The following ENTREP2 variants were observed in gnomAD, a reference collection of about 807,000 sequenced individuals.
ENTREP2 encodes protein ENTREP2.
At chr15:29,612,184 G>A in the ENTREP2 span, among the ~76,000 whole-genome samples, 15 of 152,196 alleles carry the variant, frequency 9.9e-5, no homozygotes, top group Admixed American at 3.9e-4. Flanking sequence ...TCTTCCTCAC[G>A]TGCATTCCAC....
At chr15:29,520,947 A>G in the ENTREP2 span, among the ~76,000 whole-genome samples, 1 of 152,232 alleles carries the variant, frequency 6.6e-6, no homozygotes, top group East Asian at 1.9e-4. Context: ...TAATGTATTC[A>G]TAGGGCAGAG....
the ENTREP2 span, among the ~76,000 whole-genome samples, chr15:29,174,422 C>T: frequency 6.6e-6 from 1 of 152,214 alleles, no homozygotes; most frequent in Admixed American, 6.5e-5. Flanking sequence ...GGCACGGTGG[C>T]TCACGCCTGT....
chr15:29,588,543 A>AG, the ENTREP2 span, among the ~76,000 whole-genome samples: 23 of 17,710 alleles, frequency 1.3e-3, no homozygotes, highest in South Asian at 3.9e-3. Context: ...GAAGAGAAAG[A>AG]AAGAGAGAGA....
chr15:29,405,949 G>C, the ENTREP2 span, among the ~76,000 whole-genome samples: 1 of 152,236 alleles, frequency 6.6e-6, no homozygotes, highest in African/African-American at 2.4e-5. Context: ...GAACAAGTTA[G>C]GAAAGGCAGA....
the ENTREP2 span, among the ~76,000 whole-genome samples, chr15:29,480,366 A>AAAC: frequency 8.7e-5 from 12 of 138,488 alleles, no homozygotes; most frequent in African/African-American, 2.7e-4. Flanking sequence ...AAAAAAAAAA[A>AAAC]CCCACAAATG....
chr15:29,194,669 T>C, the ENTREP2 span, among the ~76,000 whole-genome samples: 1 of 152,176 alleles, frequency 6.6e-6, no homozygotes, highest in Middle Eastern at 3.2e-3. Flanking sequence ...AGAGTGAGAC[T>C]GCAAGGTCAC....
the ENTREP2 span, among the ~76,000 whole-genome samples, chr15:29,423,063 T>G: frequency 6.6e-6 from 1 of 152,112 alleles, no homozygotes; most frequent in Non-Finnish European, 1.5e-5. Flanking sequence ...AAACATGACA[T>G]AGTATACCCT....
chr15:29,630,816 T>C, the ENTREP2 span, among the ~76,000 whole-genome samples: 2 of 152,064 alleles, frequency 1.3e-5, no homozygotes, highest in Non-Finnish European at 2.9e-5. Flanking sequence ...GCCTCCCGAG[T>C]AGTTGGGATT....
the ENTREP2 span, among the ~76,000 whole-genome samples, chr15:29,442,377 C>T: frequency 6.6e-6 from 1 of 152,158 alleles, no homozygotes; most frequent in South Asian, 2.1e-4. Flanking sequence ...GAAACACAGC[C>T]GCATGCTCCT....
At chr15:29,582,267 A>G in the ENTREP2 span, among the ~76,000 whole-genome samples, 2 of 152,368 alleles carry the variant, frequency 1.3e-5, no homozygotes, top group African/African-American at 4.8e-5. Context: ...AAACAAATAA[A>G]TAACAACTTC....
the ENTREP2 span, among the ~76,000 whole-genome samples, chr15:29,352,280 G>C: frequency 6.6e-6 from 1 of 152,248 alleles, no homozygotes; most frequent in Non-Finnish European, 1.5e-5. Context: ...GAATGATGGA[G>C]GTTAACACTG....
At chr15:29,326,261 TAG>T in the ENTREP2 span, among the ~76,000 whole-genome samples, 1 of 152,130 alleles carries the variant, frequency 6.6e-6, no homozygotes, top group South Asian at 2.1e-4. Context: ...AAAAGGTACA[TAG>T]ATTGAAAAGT....
At chr15:29,604,456 T>C in the ENTREP2 span, among the ~76,000 whole-genome samples, 8 of 152,320 alleles carry the variant, frequency 5.3e-5, no homozygotes, top group East Asian at 1.5e-3. Context: ...AATAAACTGT[T>C]AAGACAGTTT....
chr15:29,563,742 C>T, the ENTREP2 span, among the ~76,000 whole-genome samples: 1 of 151,954 alleles, frequency 6.6e-6, no homozygotes, highest in Admixed American at 6.6e-5. Context: ...GAGGCTGAGG[C>T]AGGAGAATCG....
At chr15:29,475,249 G>C in the ENTREP2 span, among the ~76,000 whole-genome samples, 3 of 152,132 alleles carry the variant, frequency 2.0e-5, no homozygotes, top group Admixed American at 1.3e-4. Context: ...AGAACGCTGA[G>C]AGAGTACAGG....
At chr15:29,275,665 GTTTTA>G in the ENTREP2 span, among the ~76,000 whole-genome samples, 1 of 152,184 alleles carries the variant, frequency 6.6e-6, no homozygotes, top group Non-Finnish European at 1.5e-5. Flanking sequence ...GTAATTAAAT[GTTTTA>G]TTTTGTCTTT....
At chr15:29,595,706 T>C in the ENTREP2 span, among the ~76,000 whole-genome samples, 1 of 152,220 alleles carries the variant, frequency 6.6e-6, no homozygotes, top group East Asian at 1.9e-4. Context: ...TGTTTATTTA[T>C]ATAAATTAAT....
chr15:29,162,945 A>G, the ENTREP2 span, among the ~76,000 whole-genome samples: 1 of 152,192 alleles, frequency 6.6e-6, no homozygotes, highest in Admixed American at 6.5e-5. Flanking sequence ...AGGTGCTGGT[A>G]TCCATGGCTG....
At chr15:29,669,333 G>A in the ENTREP2 span, among the ~76,000 whole-genome samples, 1 of 152,310 alleles carries the variant, frequency 6.6e-6, no homozygotes, top group Admixed American at 6.5e-5. Flanking sequence ...TGTTATCACA[G>A]AGTGGAATTG....
Sources: allele counts gnomAD v4.1 joint callset (sites outside exome capture counted in the v4.1 genomes callset), GRCh38; gene constraint gnomAD v4.1.1; transcripts MANE v1.5; gene names NCBI Gene and HGNC (gene_info 2026-07-23, HGNC 2026-07-21).